Variants in CTNND2 observed in about 807,000 individuals in gnomAD.
CTNND2 encodes catenin delta-2.
A neutral mutation model predicts 144.4 loss-of-function variants in CTNND2; 22 were observed. That is an observed-to-expected ratio of 0.15 (90% CI 0.11 to 0.22). CTNND2 has a LOEUF of 0.22. CTNND2 is among the 10% of genes least tolerant of loss of function. The pLI, the probability that CTNND2 is intolerant of heterozygous loss-of-function variation, is 1.00. For synonymous variants in CTNND2, 751 were observed against 695.6 expected (o/e 1.08, Z -1.25); for missense variants, 1,353 against 1,618.8 (o/e 0.84, Z 2.82).
At chr5:11,171,686 A>G (rs1759931183) in intron 11 of CTNND2, among the ~76,000 whole-genome samples, 1 of 152,204 alleles carries the variant, frequency 6.6e-6, no homozygotes, top group Non-Finnish European at 1.5e-5. Flanking sequence ...ATAGAGTTGT[A>G]GATGCTAAAG....
At position 11,560,488 on chromosome 5, in the gene CTNND2, A is replaced by AT. The variant is rs373412163; in HGVS notation, c.287+4455dup. Among the ~76,000 whole-genome samples the AT allele has an allele frequency of 2.9e-3, 446 of 152,324 alleles. 2 individuals carry two copies. Among genetic ancestry groups the AT allele is most frequent in the African/African-American group, 0.01 (429 of 41,564 alleles). Reference sequence around the variant, plus strand: ...AATCAAGGAATATGTATAGGTACCTATTAGGTGCCCTTAAATTTTCATCAA... The same window carrying AT: ...AATCAAGGAATATGTATAGGTACCTATTTAGGTGCCCTTAAATTTTCATCAA... On this transcript the variant is annotated intron_variant, in intron 3 of 21. Coordinates refer to ENST00000304623, the MANE Select transcript of CTNND2 (RefSeq NM_001332.4).
At chr5:11,212,279 A>G (rs1738716610) in intron 10 of CTNND2, among the ~76,000 whole-genome samples, 1 of 152,220 alleles carries the variant, frequency 6.6e-6, no homozygotes, top group African/African-American at 2.4e-5. Context: ...AATACAGTGT[A>G]TGAAGCCCAC....
intron 3 of CTNND2, among the ~76,000 whole-genome samples, chr5:11,518,571 C>T (rs532624350): frequency 1.3e-5 from 2 of 152,158 alleles, no homozygotes; most frequent in African/African-American, 2.4e-5. Flanking sequence ...TCATCCACAG[C>T]GACTTCCAGT....
intron 3 of CTNND2, among the ~76,000 whole-genome samples, chr5:11,532,896 G>A (rs1166509374): frequency 6.6e-6 from 1 of 152,238 alleles, no homozygotes; most frequent in Non-Finnish European, 1.5e-5. Flanking sequence ...GAAAAAGAAG[G>A]AGGGAGGTGG....
chr5:11,068,506 T>C (rs1472175257), intron 16 of CTNND2, among the ~76,000 whole-genome samples: 1 of 151,832 alleles, frequency 6.6e-6, no homozygotes, highest in Non-Finnish European at 1.5e-5. Flanking sequence ...TGGTATAGGT[T>C]ATAATGGCAA....
At chr5:11,282,866 C>G (rs915111461) in intron 9 of CTNND2, among the ~76,000 whole-genome samples, 1 of 152,162 alleles carries the variant, frequency 6.6e-6, no homozygotes, top group African/African-American at 2.4e-5. Context: ...ATTTATTGTA[C>G]CATCGCATAC....
rs1026805457 is a variant in CTNND2 at position 11,381,532 on chromosome 5, A to G, written c.1177+3133T>C. On this transcript the variant is annotated intron_variant, in intron 7 of 21. Transcript: ENST00000304623. ...ACACACCCCCATTTATAAGCCCTTG[A>G]ACTTGCTGTTCCTCCTGCTTAGAAA... 5.3e-5 allele frequency among the ~76,000 whole-genome samples: 8 copies of G among 152,294 alleles called. No individual in the cohort carries two copies. In the East Asian group the frequency reaches 1.2e-3, roughly 22 times the overall value.
chr5:11,357,289 C>T (rs1372006348), intron 8 of CTNND2, among the ~76,000 whole-genome samples: 1 of 152,082 alleles, frequency 6.6e-6, no homozygotes, highest in African/African-American at 2.4e-5. Flanking sequence ...ATGTGTCCAA[C>T]AATGGGTGAA....
chr5:11,135,589 T>C (rs531262936), intron 12 of CTNND2, among the ~76,000 whole-genome samples: 1 of 152,360 alleles, frequency 6.6e-6, no homozygotes, highest in Non-Finnish European at 1.5e-5. Context: ...TACACTGTAT[T>C]ATTTTAATTT....
intron 1 of CTNND2, among the ~76,000 whole-genome samples, chr5:11,784,870 C>T (rs1331833178): frequency 2.0e-5 from 3 of 152,178 alleles, no homozygotes; most frequent in Admixed American, 6.5e-5. Flanking sequence ...CTAATGACAC[C>T]TTAAGCAGAG....
chr5:11,643,215 A>T (rs772893798), intron 2 of CTNND2, among the ~76,000 whole-genome samples: 4 of 130,362 alleles, frequency 3.1e-5, no homozygotes, highest in Non-Finnish European at 7.4e-5. Context: ...TTAATATTTT[A>T]TTTTTTATTT....
chr5:11,415,008 C>A (rs936250522), intron 3 of CTNND2, among the ~76,000 whole-genome samples: 12 of 152,138 alleles, frequency 7.9e-5, no homozygotes, highest in African/African-American at 2.9e-4. Flanking sequence ...CATTGATGGG[C>A]ATTTAGGTTG....
intron 3 of CTNND2, among the ~76,000 whole-genome samples, chr5:11,536,704 T>C (rs931403738): frequency 2.0e-5 from 3 of 151,794 alleles, no homozygotes; most frequent in Non-Finnish European, 4.4e-5. Flanking sequence ...GAATAATACA[T>C]TGGACTTTGG....
intron 2 of CTNND2, among the ~76,000 whole-genome samples, chr5:11,686,278 C>T (rs1039148480): frequency 3.3e-5 from 5 of 151,858 alleles, no homozygotes; most frequent in Non-Finnish European, 5.9e-5. Context: ...TTGGAAAATT[C>T]TATAGTACAA....
At chr5:11,146,034 A>G (rs1399932925) in intron 12 of CTNND2, among the ~76,000 whole-genome samples, 3 of 152,260 alleles carry the variant, frequency 2.0e-5, no homozygotes, top group East Asian at 1.9e-4. Context: ...GGTGGAGTCC[A>G]TGGTTCCATC....
intron 2 of CTNND2, among the ~76,000 whole-genome samples, chr5:11,595,440 T>C (rs1779457449): frequency 6.6e-6 from 1 of 152,138 alleles, no homozygotes; most frequent in East Asian, 1.9e-4. Flanking sequence ...GTACTAGCAG[T>C]GTAGGGTATA....
At chr5:11,580,320 T>C (rs374182387) in intron 2 of CTNND2, among the ~76,000 whole-genome samples, 7 of 152,190 alleles carry the variant, frequency 4.6e-5, no homozygotes, top group African/African-American at 1.2e-4. Flanking sequence ...ATTTAAGGTA[T>C]TTTCCATGGA....
chr5:11,841,126 C>T (rs1233429629), intron 1 of CTNND2, among the ~76,000 whole-genome samples: 1 of 152,068 alleles, frequency 6.6e-6, no homozygotes, highest in Non-Finnish European at 1.5e-5. Context: ...ATCATTTGAA[C>T]TCCTTAAAAT....
In CTNND2 at chr5:11,385,060, G is replaced by T; in HGVS notation, c.782C>A (p.Ala261Glu). 9.1e-7 allele frequency: 1 copy of T among 1,098,618 alleles called. No individual in the cohort carries two copies. Among genetic ancestry groups the T allele is most frequent in the Non-Finnish European group, 1.1e-6 (1 of 908,754 alleles). The allele number at this position is 1,098,618 out of a possible 1,614,324, so 68.1% of individuals were successfully genotyped here. ...ALYYSSSTLP[A>E]PPRGGSPLAA... ...CAGCGGGGAGCCCCCGCGCGGCGGC[G>T]CGGGCAGCGTGGAGCTGGAGTAGTA... Residue 261 changes from alanine (A) to glutamate (E), a missense_variant, in exon 7 of 22, where the codon GCG (alanine) becomes GAG (glutamate). This residue lies in a region of CTNND2 where 708 missense variants were observed against 706.4 expected (regional missense o/e 1.00). Transcript: ENST00000304623.
Sources: allele counts gnomAD v4.1 joint callset (sites outside exome capture counted in the v4.1 genomes callset), GRCh38; gene constraint gnomAD v4.1.1; regional missense constraint gnomAD v4.1.1; transcripts MANE v1.5; gene names NCBI Gene and HGNC (gene_info 2026-07-23, HGNC 2026-07-21).